BCAR3: variants seen among roughly 807,000 people sequenced by gnomAD.
The protein encoded by BCAR3 is breast cancer anti-estrogen resistance protein 3.
Under a neutral mutation model 80.1 loss-of-function variants are expected in BCAR3, and 37 were observed. The observed-to-expected ratio is 0.46, with a 90% confidence interval of 0.36 to 0.61. BCAR3 has a LOEUF of 0.61. Ranked by LOEUF, BCAR3 falls within the 20% of genes least tolerant of loss-of-function variation. BCAR3 has a pLI of 0.00. For synonymous variants in BCAR3, 389 were observed against 418.9 expected, an observed-to-expected ratio of 0.93 and a Z score of 0.87; for missense variants, 978 against 1,068.2, an observed-to-expected ratio of 0.92 and a Z score of 1.18.
At chr1:93,626,328 G>T (rs1255671407) in intron 3 of BCAR3, among the ~76,000 whole-genome samples, 1 of 152,198 alleles carries the variant, frequency 6.6e-6, no homozygotes, top group African/African-American at 2.4e-5. Context: ...CTTTGCTAGA[G>T]AAATAAATAT....
At chr1:93,762,275 G>C (rs1210365261) in intron 2 of BCAR3, among the ~76,000 whole-genome samples, 2 of 149,330 alleles carry the variant, frequency 1.3e-5, no homozygotes, top group Non-Finnish European at 3.0e-5. Context: ...CCTTTGCTAA[G>C]AAATGAAAGC....
At chr1:93,699,453 T>C (rs1649557942) in intron 3 of BCAR3, among the ~76,000 whole-genome samples, 1 of 152,044 alleles carries the variant, frequency 6.6e-6, no homozygotes, top group South Asian at 2.1e-4. Context: ...AACCCCAACC[T>C]CGAGGATTTC....
intron 2 of BCAR3, among the ~76,000 whole-genome samples, chr1:93,710,752 T>C (rs1194090564): frequency 5.3e-5 from 8 of 152,252 alleles, no homozygotes; most frequent in African/African-American, 1.7e-4. Context: ...CTAACGCTTT[T>C]TGTCAGTTAT....
intron 2 of BCAR3, among the ~76,000 whole-genome samples, chr1:93,659,544 T>C (rs1203298280): frequency 1.3e-5 from 2 of 151,868 alleles, no homozygotes; most frequent in African/African-American, 2.4e-5. Flanking sequence ...ACAATATTCC[T>C]TCTACTATAA....
intron 3 of BCAR3, among the ~76,000 whole-genome samples, chr1:93,608,682 A>G (rs903622182): frequency 2.4e-4 from 37 of 152,182 alleles, no homozygotes; most frequent in Non-Finnish European, 8.8e-5. Context: ...CTGCTAGGGA[A>G]CCGGGTCCTG....
chr1:93,807,120 T>C (rs1653680068), intron 2 of BCAR3, among the ~76,000 whole-genome samples: 1 of 150,796 alleles, frequency 6.6e-6, no homozygotes, highest in Non-Finnish European at 1.5e-5. Context: ...AAAAAAAAAA[T>C]AGTAGAATTT....
chr1:93,670,615 G>A (rs937860843), intron 2 of BCAR3, among the ~76,000 whole-genome samples: 2 of 152,046 alleles, frequency 1.3e-5, no homozygotes, highest in African/African-American at 4.8e-5. Flanking sequence ...ATGATCTTAG[G>A]TGCCTCAACA....
chr1:93,749,221 T>C (rs189385819), intron 2 of BCAR3, among the ~76,000 whole-genome samples: 71 of 152,094 alleles, frequency 4.7e-4, no homozygotes, highest in South Asian at 1.2e-3. Flanking sequence ...AAGAACATAC[T>C]TGGGTTTAAG....
At chr1:93,752,597 G>T (rs12408109) in intron 2 of BCAR3, among the ~76,000 whole-genome samples, 17,841 of 152,228 alleles carry the variant, frequency 0.12, 1,472 homozygotes, top group African/African-American at 0.22. Context: ...TGGATTCATG[G>T]GTATGCATAC....
chr1:93,656,357 C>T (rs1647379518), intron 2 of BCAR3, among the ~76,000 whole-genome samples: 1 of 151,960 alleles, frequency 6.6e-6, no homozygotes, highest in Admixed American at 6.5e-5. Context: ...TCTCTCTGTG[C>T]TATGTTCTGT....
chr1:93,750,162 G>T (rs1651507236), intron 2 of BCAR3, among the ~76,000 whole-genome samples: 1 of 152,206 alleles, frequency 6.6e-6, no homozygotes, highest in South Asian at 2.1e-4. Context: ...GTTGTTCAAA[G>T]AGCAAACAGA....
At chr1:93,770,365 C>A (rs554643648) in intron 2 of BCAR3, among the ~76,000 whole-genome samples, 1 of 152,192 alleles carries the variant, frequency 6.6e-6, no homozygotes, top group Non-Finnish European at 1.5e-5. Flanking sequence ...CTGCTCTGAT[C>A]CTGGCCTCAG....
chr1:93,747,287 G>C (rs1651391984), intron 2 of BCAR3, among the ~76,000 whole-genome samples: 1 of 148,218 alleles, frequency 6.7e-6, no homozygotes. Context: ...GGTAGGCTCT[G>C]TTCAGGTGAG....
chr1:93,781,900 C>T (rs1652773885), intron 2 of BCAR3, among the ~76,000 whole-genome samples: 2 of 152,138 alleles, frequency 1.3e-5, no homozygotes. Context: ...TATCTAGGTC[C>T]TTGGGTTTGG....
chr1:93,593,973 T>TCCAGGGTGCCTGCAGGCTTTAGA (rs2101853989), intron 3 of BCAR3, among the ~76,000 whole-genome samples: 1 of 152,312 alleles, frequency 6.6e-6, no homozygotes, highest in Non-Finnish European at 1.5e-5. Context: ...ACGCTGGCTG[T>TCCAGGGTGCCTGCAGGCTTTAGA]CCAGGGTGCC....
chr1:93,770,239 G>C (rs1021325133), intron 2 of BCAR3, among the ~76,000 whole-genome samples: 2 of 152,072 alleles, frequency 1.3e-5, no homozygotes, highest in African/African-American at 4.8e-5. Context: ...AGCTGCTGGG[G>C]GAGTGCCCTG....
At chr1:93,632,631 C>A (rs1165557757) in intron 3 of BCAR3, among the ~76,000 whole-genome samples, 1 of 152,228 alleles carries the variant, frequency 6.6e-6, no homozygotes, top group Middle Eastern at 3.4e-3. Flanking sequence ...CTCAATCCCA[C>A]CATTATAGGA....
intron 3 of BCAR3, among the ~76,000 whole-genome samples, chr1:93,631,169 C>T (rs970364078): frequency 2.0e-5 from 3 of 152,232 alleles, no homozygotes; most frequent in African/African-American, 7.2e-5. Flanking sequence ...CTTGCAGACT[C>T]ATCCCCCAGT....
chr1:93,670,498 G>A (rs1422954181), intron 2 of BCAR3, among the ~76,000 whole-genome samples: 1 of 152,214 alleles, frequency 6.6e-6, no homozygotes, highest in African/African-American at 2.4e-5. Context: ...CTCAGAGGAT[G>A]CCCACAGCTG....
Sources: allele counts gnomAD v4.1 joint callset (sites outside exome capture counted in the v4.1 genomes callset), GRCh38; gene constraint gnomAD v4.1.1; transcripts MANE v1.5; gene names NCBI Gene and HGNC (gene_info 2026-07-23, HGNC 2026-07-21).